EBF4: variants seen among roughly 807,000 people sequenced by gnomAD.
The protein encoded by EBF4 is EBF transcription factor 4.
A neutral mutation model predicts 67.1 loss-of-function variants in EBF4; 34 were observed. The ratio of observed to expected loss-of-function variants is 0.51; its 90% confidence interval spans 0.39 to 0.67. The LOEUF (loss-of-function observed/expected upper bound fraction) is 0.67, where lower values mean the gene tolerates loss of function less well. EBF4 is among the 30% of genes least tolerant of loss of function. EBF4 has a pLI of 0.00. For synonymous variants in EBF4, 387 were observed against 377.7 expected, an observed-to-expected ratio of 1.02 and a Z score of -0.29; for missense variants, 837 against 873.3, an observed-to-expected ratio of 0.96 and a Z score of 0.52.
chr20:2,754,246 C>T (rs987006751), intron 14 of EBF4, among the ~76,000 whole-genome samples: 1 of 152,182 alleles, frequency 6.6e-6, no homozygotes, highest in Non-Finnish European at 1.5e-5. Context: ...CAAGGGGTGT[C>T]ATTCTCATTG....
chr20:2,703,711 A>G (rs971772828), intron 1 of EBF4, among the ~76,000 whole-genome samples: 1 of 141,212 alleles, frequency 7.1e-6, no homozygotes, highest in African/African-American at 2.7e-5. Context: ...TCAAATTTGT[A>G]TCTAAAAAGA....
chr20:2,699,488 C>T (rs1358033481), intron 1 of EBF4, among the ~76,000 whole-genome samples: 2 of 152,174 alleles, frequency 1.3e-5, no homozygotes, highest in African/African-American at 4.8e-5. Flanking sequence ...AATACAAAAG[C>T]GAGCATATTC....
chr20:2,737,437 T>A (rs1240972164), intron 6 of EBF4, among the ~76,000 whole-genome samples: 1 of 151,948 alleles, frequency 6.6e-6, no homozygotes, highest in Non-Finnish European at 1.5e-5. Context: ...CAACCTGGGA[T>A]GTCTGGCTAT....
chr20:2,721,508 G>A (rs2087680871), intron 6 of EBF4, among the ~76,000 whole-genome samples: 1 of 152,000 alleles, frequency 6.6e-6, no homozygotes. Flanking sequence ...AGGCTGGAGT[G>A]CAGTGGCACG....
chr20:2,700,429 C>T (rs189261274), intron 1 of EBF4, among the ~76,000 whole-genome samples: 54 of 152,246 alleles, frequency 3.5e-4, no homozygotes, highest in East Asian at 1.9e-4. Flanking sequence ...AAAAGACATA[C>T]GTGCAGTTTC....
chr20:2,734,459 T>C (rs1387184908), intron 6 of EBF4, among the ~76,000 whole-genome samples: 1 of 152,232 alleles, frequency 6.6e-6, no homozygotes, highest in Non-Finnish European at 1.5e-5. Flanking sequence ...ACCTCTGGGC[T>C]TCCTCAGGGA....
chr20:2,749,568 C>G, intron 8 of EBF4, 50 bp downstream of exon 8: 4 of 1,542,218 alleles, frequency 2.6e-6, no homozygotes, highest in South Asian at 2.4e-5. Context: ...GCCAGCCCCC[C>G]AGGCCCCACC....
At chr20:2,701,558 C>T (rs1045551256) in intron 1 of EBF4, among the ~76,000 whole-genome samples, 3 of 152,230 alleles carry the variant, frequency 2.0e-5, no homozygotes, top group Non-Finnish European at 2.9e-5. Flanking sequence ...GAAGCTCAGG[C>T]CAGCATCTGT....
chr20:2,733,192 C>A (rs899895390), intron 6 of EBF4, among the ~76,000 whole-genome samples: 1 of 152,100 alleles, frequency 6.6e-6, no homozygotes, highest in Admixed American at 6.6e-5. Context: ...ATTTTTTGGT[C>A]GATAGTTGTT....
At chr20:2,743,229 G>A (rs868264535) in intron 6 of EBF4, among the ~76,000 whole-genome samples, 15 of 152,146 alleles carry the variant, frequency 9.9e-5, no homozygotes, top group Admixed American at 9.8e-4. Context: ...TTGTTCTCAC[G>A]TTCGCCCTTC....
chr20:2,692,809 C>T (rs1451937645), upstream of EBF4: 1 of 156,972 alleles, frequency 6.4e-6, no homozygotes, highest in Non-Finnish European at 1.3e-5. The surrounding 1 kb of genome is among the most constrained non-coding windows in gnomAD (Gnocchi z 6.4). Context: ...CCGGGAGCGG[C>T]GGCGGCGGCG....
intron 6 of EBF4, among the ~76,000 whole-genome samples, chr20:2,725,634 A>T (rs1406455845): frequency 6.6e-6 from 1 of 152,068 alleles, no homozygotes; most frequent in African/African-American, 2.4e-5. Context: ...TGGTTATTTT[A>T]GTTTATATTT....
intron 6 of EBF4, among the ~76,000 whole-genome samples, chr20:2,714,114 T>A (rs985660866): frequency 6.6e-6 from 1 of 152,314 alleles, no homozygotes; most frequent in Non-Finnish European, 1.5e-5. Flanking sequence ...ACCGTAACTA[T>A]TTTTTCTCAT....
chr20:2,703,666 GA>G, intron 1 of EBF4, among the ~76,000 whole-genome samples: 1 of 141,554 alleles, frequency 7.1e-6, no homozygotes, highest in African/African-American at 2.5e-5. Flanking sequence ...CTGCCTTGAA[GA>G]AAAAAAGGCG....
chr20:2,727,528 A>G (rs1215270397), intron 6 of EBF4, among the ~76,000 whole-genome samples: 1 of 152,240 alleles, frequency 6.6e-6, no homozygotes, highest in Non-Finnish European at 1.5e-5. Context: ...GTTAAAATAA[A>G]TCCACATATA....
At chr20:2,732,488 C>T (rs147270276) in intron 6 of EBF4, among the ~76,000 whole-genome samples, 3 of 152,318 alleles carry the variant, frequency 2.0e-5, no homozygotes, top group Non-Finnish European at 4.4e-5. Context: ...ATCATTATAA[C>T]ATGTCCTTCT....
At chr20:2,709,733 G>T (rs909408051) in intron 6 of EBF4, 91 bp downstream of exon 6, 107 of 1,310,946 alleles carry the variant, frequency 8.2e-5, no homozygotes, top group Non-Finnish European at 1.0e-4. Context: ...CTCAAGGGAG[G>T]AGCGGAGCAG....
rs992544173 is a variant in EBF4 at position 2,745,844 on chromosome 20, C to G, written c.558-2705C>G. The stretch of plus-strand genomic sequence containing the variant: ...CCTATCTTGGCCCCTTCCCAAGGAC[C>G]CTTCCTCTTGATCCTGTAGGTTTGA... On this transcript the variant is annotated intron_variant, in intron 6 of 16. Transcript: ENST00000609451. The surrounding 1 kb of genome is among the most constrained non-coding windows in gnomAD (Gnocchi z 5.2). Among the ~76,000 whole-genome samples the G allele has an allele frequency of 6.6e-6, 1 of 152,196 alleles. No homozygotes were observed. Among genetic ancestry groups the G allele is most frequent in the Non-Finnish European group, 1.5e-5 (1 of 68,040 alleles).
chr20:2,707,958 T>C lies in EBF4; in HGVS notation c.426T>C (p.Tyr142=), dbSNP rs114850083. 1.7e-3 allele frequency: 2,745 copies of C among 1,602,588 alleles called. 38 individuals carry two copies. The African/African-American group carries it at 0.029, about 17-fold the overall frequency. ...CTCCCTCTCCCCAGGCCATCATCTA[T>C]GAGGGGCAGGACAAGAACCCCGAAA... Residue 142 remains tyrosine, a synonymous_variant, in exon 5 of 17, where the codon TAT becomes TAC. Transcript: ENST00000609451. This position sits in a 1 kb window ranked among gnomAD's most constrained non-coding sequence, Gnocchi z 4.6.
Sources: allele counts gnomAD v4.1 joint callset (sites outside exome capture counted in the v4.1 genomes callset), GRCh38; gene constraint gnomAD v4.1.1; non-coding constraint Gnocchi (gnomAD v3.1); transcripts MANE v1.5; gene names NCBI Gene and HGNC (gene_info 2026-07-23, HGNC 2026-07-21).